The following EXOC2 variants were observed in gnomAD, a reference collection of about 807,000 sequenced individuals.
EXOC2 encodes exocyst complex component 2.
EXOC2 carries 70 observed loss-of-function variants against 131.8 expected under a neutral mutation model. The ratio of observed to expected loss-of-function variants is 0.53; its 90% CI spans 0.44 to 0.65. EXOC2 has a LOEUF of 0.65. Ranked by LOEUF, EXOC2 falls within the 30% of genes least tolerant of loss-of-function variation. The probability of loss-of-function intolerance (pLI) is 0.00; values close to 1 mark genes in which losing one functional copy is unlikely to be tolerated. For synonymous variants in EXOC2, 411 were observed against 398.4 expected, an observed-to-expected ratio of 1.03 and a Z score of -0.38; for missense variants, 923 against 1,108.6, an observed-to-expected ratio of 0.83 and a Z score of 2.38.
intron 22 of EXOC2, among the ~76,000 whole-genome samples, chr6:541,383 G>T (rs191540322): frequency 9.2e-5 from 14 of 152,302 alleles, no homozygotes; most frequent in Admixed American, 8.5e-4. Context: ...GAAAGGTTTA[G>T]AATTAATGAA....
intron 1 of EXOC2, among the ~76,000 whole-genome samples, chr6:671,841 A>G (rs1381267168): frequency 6.6e-6 from 1 of 152,042 alleles, no homozygotes; most frequent in African/African-American, 2.4e-5. Flanking sequence ...AGCTTCCTTC[A>G]GTATCCTTCA....
intron 13 of EXOC2, among the ~76,000 whole-genome samples, chr6:567,894 A>G (rs1430151019): frequency 6.6e-6 from 1 of 152,198 alleles, no homozygotes; most frequent in Non-Finnish European, 1.5e-5. Flanking sequence ...GCGTAACCCT[A>G]TGATTTACTC....
chr6:548,375 A>G (rs1204813437), intron 22 of EXOC2, among the ~76,000 whole-genome samples: 1 of 152,234 alleles, frequency 6.6e-6, no homozygotes, highest in Non-Finnish European at 1.5e-5. Context: ...CTTTGCATTG[A>G]GAAAACTGTA....
Position 486,562 on chromosome 6 carries a change from G to GA in EXOC2, c.*108dup, listed in dbSNP as rs1433391972. ...TTCGAAGTCAGAGGAAGAAAAAAGA[G>GA]AAAAATGGCAAACCCAATGTTTAAT... On this transcript the variant is annotated 3_prime_UTR_variant, in exon 28 of 28. Transcript: ENST00000230449. The GA allele has an allele frequency of 5.9e-6, 6 of 1,009,164 alleles. No homozygotes were observed. Among genetic ancestry groups the GA allele is most frequent in the Non-Finnish European group, 8.8e-6 (6 of 679,630 alleles). 62.5% of individuals were successfully genotyped at this position (1,009,164 alleles called of 1,614,324 possible).
At position 667,439 on chromosome 6, in the gene EXOC2, G is replaced by T. The variant is rs776269830; in HGVS notation, c.-44+25580C>A. Among the ~76,000 whole-genome samples, 14 of 97,244 alleles carry T rather than the reference G, an allele frequency of 1.4e-4. 5 individuals carry two copies. The highest frequency in any genetic ancestry group is 3.2e-4 in the Non-Finnish European group (13 of 41,072). 63.8% of individuals were successfully genotyped at this position (97,244 alleles called of 152,430 possible). A position where few individuals can be genotyped will look rare whatever the true frequency, so the allele number is the denominator to read the frequency against. On this transcript the variant is annotated intron_variant, in intron 1 of 27. Transcript: ENST00000230449. ...CATTATTTCTGGGTGTGTCTGTGAG[G>T]GTGTTTGGGGAAGTAACTGGCATTT...
At chr6:528,621 T>C (rs746525547) in intron 23 of EXOC2, among the ~76,000 whole-genome samples, 6 of 152,136 alleles carry the variant, frequency 3.9e-5, no homozygotes, top group Non-Finnish European at 5.9e-5. Context: ...CCATGTGCCA[T>C]TTGCTTATGA....
chr6:613,481 C>T (rs140387890), intron 6 of EXOC2, among the ~76,000 whole-genome samples: 107 of 152,230 alleles, frequency 7.0e-4, no homozygotes, highest in African/African-American at 2.5e-3. Flanking sequence ...AAAAAAAGAG[C>T]AGAGAAGGGC....
At chr6:573,939 CTTTACACGTTTTTGGTT>C (rs1758434139) in intron 12 of EXOC2, among the ~76,000 whole-genome samples, 1 of 152,136 alleles carries the variant, frequency 6.6e-6, no homozygotes, top group South Asian at 2.1e-4. Context: ...CCCAACTGTT[CTTTACACGTTTTTGGTT>C]TTTACACAAA....
chr6:572,932 G>C (rs1266336927), intron 12 of EXOC2, among the ~76,000 whole-genome samples: 1 of 152,226 alleles, frequency 6.6e-6, no homozygotes, highest in Non-Finnish European at 1.5e-5. Flanking sequence ...TCAGTACTGG[G>C]AGGGCTACCG....
rs1290548905 is a variant in EXOC2, at chr6:518,576, A to T, written c.2380+13893T>A. Among the ~76,000 whole-genome samples the T allele has an allele frequency of 4.6e-5, 7 of 152,224 alleles. No individual in the cohort carries two copies. The East Asian group carries it at 1.3e-3, about 29-fold the overall frequency. On this transcript the variant is annotated intron_variant, in intron 23 of 27. Coordinates refer to ENST00000230449, the MANE Select transcript of EXOC2 (RefSeq NM_018303.6). ...GAAGTTAATAAATTTCACATTTAAG[A>T]CCATTTGAGCCAACAACTAGCTTTA...
chr6:617,877 T>A lies in EXOC2; in HGVS notation c.537-42A>T, dbSNP rs1481006132. ...AAACCAAAGTTTGACACTTCTAACATGCAAGAAAGAAAAAATAATTCCTTC... is the reference window on the plus strand; with the variant it reads ...AAACCAAAGTTTGACACTTCTAACAAGCAAGAAAGAAAAAATAATTCCTTC... On this transcript the variant is annotated intron_variant, in intron 5 of 27. Transcript: ENST00000230449. 7 of 1,591,966 alleles carry A rather than the reference T, an allele frequency of 4.4e-6. No homozygotes were observed. The Admixed American group carries it at 7.2e-5, about 16-fold the overall frequency.
chr6:667,860 CCCATCCAT>C (rs200385451), intron 1 of EXOC2, among the ~76,000 whole-genome samples: 37,574 of 113,614 alleles, frequency 0.33, 6,178 homozygotes, highest in Middle Eastern at 0.38. Flanking sequence ...TAAATCCCCT[CCCATCCAT>C]CCATCCATCC....
chr6:616,614 A>AC (rs1443070552), intron 6 of EXOC2, among the ~76,000 whole-genome samples: 3 of 151,154 alleles, frequency 2.0e-5, no homozygotes, highest in African/African-American at 7.3e-5. Context: ...AAAAAAAAAA[A>AC]AAAAAAAAAC....
At position 556,565 on chromosome 6, in the gene EXOC2, C is replaced by A; in HGVS notation, c.1852-1G>T. The A allele has an allele frequency of 1.9e-6, 3 of 1,614,118 alleles. No individual in the cohort carries two copies. Among genetic ancestry groups the A allele is most frequent in the Non-Finnish European group, 2.5e-6 (3 of 1,180,006 alleles). ...CGATGCACTGTTCAAACTGACATGG[C>A]TGAAGGGAAAACAGCATATTGTAAA... On this transcript the variant is annotated splice_acceptor_variant, in intron 17 of 27. Coordinates refer to ENST00000230449, the MANE Select transcript of EXOC2 (RefSeq NM_018303.6). LOFTEE classifies it high-confidence loss of function.
At chr6:575,454 T>TCGCTCCCTCTC (rs1758522666) in intron 12 of EXOC2, among the ~76,000 whole-genome samples, 2 of 152,036 alleles carry the variant, frequency 1.3e-5, no homozygotes, top group Non-Finnish European at 1.5e-5. Flanking sequence ...ATCCTCTCCC[T>TCGCTCCCTCTC]CACTCCCTCT....
At chr6:497,552 A>C (rs1581300918) in intron 24 of EXOC2, 63 bp from the exon 25 acceptor site, 3 of 1,544,878 alleles carry the variant, frequency 1.9e-6, no homozygotes, top group Non-Finnish European at 2.6e-6. Flanking sequence ...TGTTAAAGAC[A>C]AAGTTAACAT....
At chr6:620,122 C>T (rs1218461842) in intron 4 of EXOC2, among the ~76,000 whole-genome samples, 3 of 152,174 alleles carry the variant, frequency 2.0e-5, no homozygotes, top group Non-Finnish European at 4.4e-5. Flanking sequence ...ATCTGCTGCT[C>T]CCTCATCTTG....
At chr6:531,572 A>G (rs1766088380) in intron 23 of EXOC2, among the ~76,000 whole-genome samples, 1 of 152,296 alleles carries the variant, frequency 6.6e-6, no homozygotes, top group South Asian at 2.1e-4. Flanking sequence ...TGAACACTAT[A>G]CAATAAAAAC....
At chr6:619,374 C>A (rs1761169084) in intron 5 of EXOC2, 56 bp downstream of exon 5, 1 of 1,403,510 alleles carries the variant, frequency 7.1e-7, no homozygotes. Context: ...CCGTGTAATT[C>A]CATCTTTAGC....
Sources: allele counts gnomAD v4.1 joint callset (sites outside exome capture counted in the v4.1 genomes callset), GRCh38; gene constraint gnomAD v4.1.1; transcripts MANE v1.5; gene names NCBI Gene and HGNC (gene_info 2026-07-23, HGNC 2026-07-21).